C4orf50: variants seen among roughly 807,000 people sequenced by gnomAD.
C4orf50 encodes chromosome 4 open reading frame 50, also known as uncharacterized protein C4orf50.
A neutral mutation model predicts 77.2 loss-of-function variants in C4orf50; 80 were observed. That is an observed-to-expected ratio of 1.04 (90% CI 0.87 to 1.25). C4orf50 has a LOEUF of 1.25. Among genes scored for constraint, C4orf50 ranks in the 50% most tolerant of loss-of-function variants. The pLI, the probability that C4orf50 is intolerant of heterozygous loss-of-function variation, is 0.00. For synonymous variants in C4orf50, 532 were observed against 465.3 expected (o/e 1.14, Z -1.84); for missense variants, 1,257 against 1,152.9 (o/e 1.09, Z -1.31).
In C4orf50 at chr4:6,018,174, G is replaced by C; in HGVS notation, c.258C>G (p.Tyr86Ter). Residue 86 changes from tyrosine (Y) to a stop codon, truncating the protein, a stop_gained, in exon 23 of 34, where the codon TAC becomes TAG. Transcript: ENST00000531445. LOFTEE classifies it high-confidence loss of function. This position sits in a 1 kb window ranked among gnomAD's most constrained non-coding sequence, Gnocchi z 5.1. The stretch of plus-strand genomic sequence containing the variant: ...TTCTCAGCCCGGACTCCGATGTCAC[G>C]TACTTGTCCTCTGCTGCTGACAGCT... 1 of 398,878 alleles carries C rather than the reference G, an allele frequency of 2.5e-6. No homozygotes were observed. The highest frequency in any genetic ancestry group is 4.4e-6 in the Non-Finnish European group (1 of 226,070). The allele number at this position is 398,878 out of a possible 1,614,324, so 24.7% of individuals were successfully genotyped here.
chr4:5,944,485 G>A (rs951983413), intron 7 of C4orf50, among the ~76,000 whole-genome samples: 5 of 152,178 alleles, frequency 3.3e-5, no homozygotes, highest in African/African-American at 7.2e-5. Context: ...AGGAGTGAGC[G>A]AGGGGGCAGC....
intron 28 of C4orf50, among the ~76,000 whole-genome samples, chr4:5,981,710 G>A (rs908283629): frequency 2.0e-5 from 3 of 152,130 alleles, no homozygotes; most frequent in African/African-American, 7.2e-5. Flanking sequence ...GGCCCGACAT[G>A]AGCATCTTTA....
At position 5,901,082 on chromosome 4, in the gene C4orf50, G is replaced by C. The variant is rs1560531929; in HGVS notation, c.*2475-2894C>G. ...TAAGAACAGTGCCTAGCAGTTCATG[G>C]GGAAACGTTGCTATGCCAACTAGCT... On this transcript the variant is annotated intron_variant, in intron 7 of 7. Transcript: ENST00000324058. This position sits in a 1 kb window ranked among gnomAD's most constrained non-coding sequence, Gnocchi z 4.4. 1 of 152,188 alleles carries C rather than the reference G, an allele frequency of 6.6e-6. No homozygotes were observed. The allele number at this position is 152,188 out of a possible 1,614,324, so 9.4% of individuals were successfully genotyped here.
rs144480730 is a variant in C4orf50 at position 5,908,176 on chromosome 4, G to A, written c.*2475-9988C>T. On this transcript the variant is annotated intron_variant, in intron 7 of 7. Transcript: ENST00000324058. The surrounding 1 kb of genome is among the most constrained non-coding windows in gnomAD (Gnocchi z 5.6). ...TGAGATGAATAAAACCCAGACACAT[G>A]TGTCCTCAAGGGCCTTATATCTGAG... is the stretch of plus-strand genomic sequence containing the variant. 6.6e-6 allele frequency among the ~76,000 whole-genome samples: 1 copy of A among 152,282 alleles called. No individual in the cohort carries two copies. The highest frequency in any genetic ancestry group is 2.4e-5 in the African/African-American group (1 of 41,562).
intron 7 of C4orf50, among the ~76,000 whole-genome samples, chr4:5,912,041 G>A (rs1284227860): frequency 1.3e-5 from 2 of 150,888 alleles, no homozygotes; most frequent in Admixed American, 6.6e-5. Context: ...GCGAGACTCC[G>A]TCTTGCAAAA....
chr4:5,961,401 G>C (rs1019005908), intron 33 of C4orf50, among the ~76,000 whole-genome samples: 1 of 152,200 alleles, frequency 6.6e-6, no homozygotes, highest in African/African-American at 2.4e-5. Flanking sequence ...TATAATATTG[G>C]CAGTTTCCTA....
Position 5,988,670 on chromosome 4 carries a change from T to A in C4orf50, c.3376A>T (p.Lys1126Ter). 1 of 1,536,108 alleles carries A rather than the reference T, an allele frequency of 6.5e-7. No individual in the cohort carries two copies. The highest frequency in any genetic ancestry group is 8.7e-7 in the Non-Finnish European group (1 of 1,146,908). Reference sequence around the variant, plus strand: ...ACCTCTTTGTCTAGAGCGTGCATCTTGGCTTTTCCCTGGAGGTGCTCCCTT... The same window carrying A: ...ACCTCTTTGTCTAGAGCGTGCATCTAGGCTTTTCCCTGGAGGTGCTCCCTT... Residue 1126 changes from lysine to a stop codon, truncating the protein, a stop_gained, in exon 28 of 34, where the codon AAG (lysine) becomes TAG (stop). Coordinates refer to ENST00000531445, the Ensembl canonical transcript of C4orf50. LOFTEE classifies it high-confidence loss of function.
At chr4:5,934,261 G>A (rs73210726) in intron 7 of C4orf50, among the ~76,000 whole-genome samples, 1 of 151,986 alleles carries the variant, frequency 6.6e-6, no homozygotes, top group African/African-American at 2.4e-5. Flanking sequence ...GAAACTCCAC[G>A]ACCACCCACA....
In C4orf50 at chr4:5,947,926, C is replaced by A. The variant is rs369388780; in HGVS notation, c.*2474+8975G>T. On this transcript the variant is annotated intron_variant, in intron 7 of 7. Coordinates refer to the C4orf50 transcript ENST00000324058. ...CTGCCAGCCTCTGCACGAGATCAGACGCATCCAGATGCAGGCACCTCTTCC... is the reference window on the plus strand; with the variant it reads ...CTGCCAGCCTCTGCACGAGATCAGAAGCATCCAGATGCAGGCACCTCTTCC... Among the ~76,000 whole-genome samples the A allele has an allele frequency of 2.0e-5, 3 of 152,360 alleles. No homozygotes were observed. In the South Asian group the frequency reaches 6.2e-4, roughly 32 times the overall value.
At chr4:5,898,823 G>T (rs1716233472) in intron 7 of C4orf50, 1 of 152,120 alleles carries the variant, frequency 6.6e-6, no homozygotes, top group African/African-American at 2.4e-5. Flanking sequence ...ACAGCCTGCT[G>T]GTGTTTTCAG....
chr4:6,003,826 T>C (rs201672434), intron 25 of C4orf50, among the ~76,000 whole-genome samples: 1 of 47,004 alleles, frequency 2.1e-5, no homozygotes, highest in Non-Finnish European at 3.6e-5. Context: ...ATGATGGTGA[T>C]GGTGATGATG....
At chr4:5,977,421 G>A (rs537279260) in intron 29 of C4orf50, among the ~76,000 whole-genome samples, 1 of 152,176 alleles carries the variant, frequency 6.6e-6, no homozygotes, top group Non-Finnish European at 1.5e-5. Context: ...AAAAGGTCTT[G>A]CATCTTGCTT....
chr4:5,968,462 C>A (rs923134292), intron 31 of C4orf50, among the ~76,000 whole-genome samples: 7 of 152,170 alleles, frequency 4.6e-5, no homozygotes, highest in Non-Finnish European at 1.5e-5. Flanking sequence ...GGCTTCGGTA[C>A]CAGGCACAAT....
Position 6,015,330 on chromosome 4 carries a change from C to T in C4orf50, c.287+2815G>A, listed in dbSNP as rs1306890555. Among the ~76,000 whole-genome samples the T allele has an allele frequency of 1.3e-5, 2 of 152,140 alleles. No homozygotes were observed. The highest frequency in any genetic ancestry group is 2.9e-5 in the Non-Finnish European group (2 of 68,028). On this transcript the variant is annotated intron_variant, in intron 23 of 33. Coordinates refer to ENST00000531445, the Ensembl canonical transcript of C4orf50. This position sits in a 1 kb window ranked among gnomAD's most constrained non-coding sequence, Gnocchi z 4.4. ...GAGGAGAGGAGGACACAGACACACA[C>T]AGAGGGATGACCATGTGACGACACA...
At chr4:5,972,703 G>T (rs1719996872) in intron 31 of C4orf50, among the ~76,000 whole-genome samples, 1 of 152,194 alleles carries the variant, frequency 6.6e-6, no homozygotes, top group African/African-American at 2.4e-5. Context: ...AAGCCCCACA[G>T]GCAGAGCCTG....
intron 7 of C4orf50, among the ~76,000 whole-genome samples, chr4:5,942,864 C>A (rs1718322614): frequency 6.6e-6 from 1 of 152,058 alleles, no homozygotes; most frequent in Non-Finnish European, 1.5e-5. Flanking sequence ...TTCAAAAAGC[C>A]TGGATGCGTA....
At chr4:5,975,738 C>T (rs1444476417) in intron 30 of C4orf50, among the ~76,000 whole-genome samples, 161 bp downstream of exon 8, 1 of 152,174 alleles carries the variant, frequency 6.6e-6, no homozygotes, top group East Asian at 1.9e-4. Flanking sequence ...ATCCACCCGC[C>T]TCAGCCTCCC....
intron 7 of C4orf50, among the ~76,000 whole-genome samples, chr4:5,933,412 G>T (rs1211637889): frequency 6.6e-6 from 1 of 152,170 alleles, no homozygotes; most frequent in Non-Finnish European, 1.5e-5. Context: ...ATGAATGGCA[G>T]CTCCTGCCTC....
intron 31 of C4orf50, among the ~76,000 whole-genome samples, chr4:5,971,900 G>A (rs952046207): frequency 1.3e-5 from 2 of 152,166 alleles, no homozygotes; most frequent in Non-Finnish European, 2.9e-5. Flanking sequence ...CCCTTGGAAG[G>A]TGGGCTGCTG....
Sources: allele counts gnomAD v4.1 joint callset (sites outside exome capture counted in the v4.1 genomes callset), GRCh38; gene constraint gnomAD v4.1.1; non-coding constraint Gnocchi (gnomAD v3.1); transcripts MANE v1.5; gene names NCBI Gene and HGNC (gene_info 2026-07-23, HGNC 2026-07-21).